The following LRRCC1 variants were observed in gnomAD, a reference collection of about 807,000 sequenced individuals.
LRRCC1 encodes leucine-rich repeat and coiled-coil domain-containing protein 1.
A neutral mutation model predicts 126.0 loss-of-function variants in LRRCC1; 115 were observed. The ratio of observed to expected loss-of-function variants is 0.91; its 90% CI spans 0.78 to 1.07. The LOEUF (loss-of-function observed/expected upper bound fraction) is 1.07, where lower values mean the gene tolerates loss of function less well. LRRCC1 is among the 50% of genes least tolerant of loss of function. LRRCC1 has a pLI of 0.00. For missense variants in LRRCC1, 1,172 were observed against 1,175.7 expected, an observed-to-expected ratio of 1.00 and a Z score of 0.05; for synonymous variants, 400 against 393.4, an observed-to-expected ratio of 1.02 and a Z score of -0.20.
intron 15 of LRRCC1, 118 bp downstream of exon 15, chr8:85,137,745 TATC>T (rs1563956729): frequency 5.8e-6 from 4 of 684,166 alleles, no homozygotes; most frequent in Non-Finnish European, 9.1e-6. Flanking sequence ...TTGGGGTAGA[TATC>T]ATGCATTTCT....
rs1808562951 is a variant in LRRCC1, at chr8:85,109,853, C to CCCAAAAGACCTAA, written c.310+53_310+54insCCAAAAGACCTAA. 6 of 916,092 alleles carry CCCAAAAGACCTAA rather than the reference C, an allele frequency of 6.5e-6. No individual in the cohort carries two copies. The South Asian group carries it at 1.2e-4, about 19-fold the overall frequency. 56.7% of individuals were successfully genotyped at this position (916,092 alleles called of 1,614,324 possible). On this transcript the variant is annotated intron_variant, in intron 2 of 18. Coordinates refer to ENST00000360375, the MANE Select transcript of LRRCC1 (RefSeq NM_033402.5). Reference sequence around the variant, plus strand: ...TAGCGTAAGGAAAATGATTTAGGTCCATTTTTTTCCCCAAAAGAATGGAAT... The same window carrying CCCAAAAGACCTAA: ...TAGCGTAAGGAAAATGATTTAGGTCCCCAAAAGACCTAAATTTTTTTCCCCAAAAGAATGGAAT...
Position 85,115,270 on chromosome 8 carries a change from G to A in LRRCC1, c.715G>A (p.Asp239Asn). The change falls in exon 5 of 19, where the codon GAT becomes AAT. Residue 239 changes from aspartate (D) to asparagine (N), a missense_variant. Asp to Asn is a conservative substitution (Grantham distance 23). Transcript: ENST00000360375. ...TGATTCTCCCCTAAATATAAGTGAA[G>A]ATGAGGTATAGTATTTACTTTTTTT... ...SSDSPLNISE[D>N]EIIDRMPVIT... 1 of 1,599,378 alleles carries A rather than the reference G, an allele frequency of 6.3e-7. No individual in the cohort carries two copies. The highest frequency in any genetic ancestry group is 8.5e-7 in the Non-Finnish European group (1 of 1,172,120).
rs750189904 is a variant in LRRCC1 at position 85,141,452 on chromosome 8, C to T, written c.2911C>T (p.His971Tyr). The change falls in exon 18 of 19, where the codon CAT (histidine) becomes TAT (tyrosine). Residue 971 changes from histidine (H) to tyrosine (Y), a missense_variant. Transcript: ENST00000360375. ...ACAAGTTGATGCAATTGTTGAAGCT[C>T]ATCAAGCTGAAATAGCACAGCTGGC... is the stretch of plus-strand genomic sequence containing the variant. Reference protein sequence around the residue: ...KRQVDAIVEAHQAEIAQLANE... With the variant: ...KRQVDAIVEAYQAEIAQLANE... The T allele has an allele frequency of 3.8e-5, 62 of 1,613,044 alleles. No homozygotes were observed. In the East Asian group the frequency reaches 1.3e-3, roughly 34 times the overall value.
chr8:85,125,428 C>T (rs1446754460), intron 8 of LRRCC1, among the ~76,000 whole-genome samples: 1 of 151,854 alleles, frequency 6.6e-6, no homozygotes, highest in Non-Finnish European at 1.5e-5. Context: ...AATCCCAGCA[C>T]TTTGGGAGGC....
chr8:85,118,841 G>A (rs1156350306), intron 6 of LRRCC1, among the ~76,000 whole-genome samples: 3 of 151,802 alleles, frequency 2.0e-5, no homozygotes, highest in African/African-American at 7.3e-5. Flanking sequence ...CTGGTCTTTT[G>A]ATAAGCAATA....
At chr8:85,111,775 A>C (rs1168228671) in intron 3 of LRRCC1, among the ~76,000 whole-genome samples, 1 of 152,182 alleles carries the variant, frequency 6.6e-6, no homozygotes, top group African/African-American at 2.4e-5. Flanking sequence ...TAGAATAGCT[A>C]AAATAGTGAC....
chr8:85,109,866 A>T, intron 2 of LRRCC1, 66 bp downstream of exon 2: 1 of 781,670 alleles, frequency 1.3e-6, no homozygotes, highest in Non-Finnish European at 2.0e-6. Flanking sequence ...TTTTTTCCCC[A>T]AAAGAATGGA....
At position 85,145,491 on chromosome 8, in the gene LRRCC1, G is replaced by A; in HGVS notation, c.3079G>A (p.Glu1027Lys). Residue 1027 changes from glutamate to lysine, a missense_variant, in exon 19 of 19, where the codon GAA (glutamate) becomes AAA (lysine). Physicochemically the swap from Glu to Lys is moderately conservative, Grantham distance 56. Coordinates refer to ENST00000360375, the MANE Select transcript of LRRCC1 (RefSeq NM_033402.5). ...KIKQLAFALN[E>K]IQQDM ...TAAGCAACTTGCTTTTGCTTTAAAT[G>A]AAATTCAGCAAGATATGTGATGGTT... The A allele has an allele frequency of 6.3e-7, 1 of 1,586,780 alleles. No individual in the cohort carries two copies. The highest frequency in any genetic ancestry group is 8.5e-7 in the Non-Finnish European group (1 of 1,171,394).
chr8:85,137,921 A>G (rs778312573), intron 15 of LRRCC1, 114 bp from the exon 16 acceptor site: 4 of 608,868 alleles, frequency 6.6e-6, no homozygotes, highest in Non-Finnish European at 1.1e-5. Flanking sequence ...AAGAAAATGA[A>G]CATTTTATAT....
intron 18 of LRRCC1, among the ~76,000 whole-genome samples, chr8:85,144,103 G>C (rs1587457575): frequency 1.3e-5 from 2 of 152,088 alleles, no homozygotes; most frequent in Admixed American, 1.3e-4. Flanking sequence ...GAGAATGTAG[G>C]TTAGGAATAA....
intron 6 of LRRCC1, 123 bp from the exon 7 acceptor site, chr8:85,123,290 T>G (rs1809709360): frequency 3.1e-6 from 2 of 650,306 alleles, no homozygotes; most frequent in Non-Finnish European, 2.5e-6. Context: ...GTCTTTAATA[T>G]CAAACATTTC....
intron 12 of LRRCC1, among the ~76,000 whole-genome samples, chr8:85,133,690 T>C (rs1242642329): frequency 6.6e-6 from 1 of 152,172 alleles, no homozygotes; most frequent in Non-Finnish European, 1.5e-5. Flanking sequence ...GTCACCCTTA[T>C]TTAAAAAATA....
chr8:85,123,091 C>T (rs10103501), intron 6 of LRRCC1, among the ~76,000 whole-genome samples: 2,873 of 152,230 alleles, frequency 0.019, 46 homozygotes, highest in South Asian at 0.086. Context: ...AAAACAGAAA[C>T]ACTCTCATTC....
intron 8 of LRRCC1, 126 bp from the exon 9 acceptor site, chr8:85,126,563 A>G (rs1373295147): frequency 1.3e-6 from 1 of 799,666 alleles, no homozygotes; most frequent in Non-Finnish European, 1.9e-6. Flanking sequence ...AAAAAATAAA[A>G]TAAAAAGTTT....
In LRRCC1 at chr8:85,137,501, T is replaced by C; in HGVS notation, c.2367T>C (p.Ala789=). The change falls in exon 15 of 19, where the codon GCT becomes GCC. Residue 789 remains alanine (A), a synonymous_variant. Transcript: ENST00000360375. ...CCCAAAATCGTGGAAAATTGGAGGCTCAAATTGAGAGTTTATCTAGAGAGA... is the reference window on the plus strand; with the variant it reads ...CCCAAAATCGTGGAAAATTGGAGGCCCAAATTGAGAGTTTATCTAGAGAGA... ...SLAQNRGKLE[A]QIESLSRENE... is the part of the protein sequence containing the mutation. 1 of 1,557,890 alleles carries C rather than the reference T, an allele frequency of 6.4e-7. No individual in the cohort carries two copies. The highest frequency in any genetic ancestry group is 8.6e-7 in the Non-Finnish European group (1 of 1,159,902).
Position 85,130,040 on chromosome 8 carries a change from TGAAAGAACA to T in LRRCC1, c.1750_1758del (p.Lys584_Gln586del). The T allele has an allele frequency of 6.3e-7, 1 of 1,592,466 alleles. No individual in the cohort carries two copies. The highest frequency in any genetic ancestry group is 8.5e-7 in the Non-Finnish European group (1 of 1,172,300). On this transcript the variant is annotated inframe_deletion, in exon 11 of 19. Coordinates refer to ENST00000360375, the MANE Select transcript of LRRCC1 (RefSeq NM_033402.5). ...CAACAACTTCATCAACTTCTTGCAT[TGAAAGAACA>T]GGAACACAGGTAAATGAAAAATGTA...
chr8:85,119,231 A>G (rs1004785620), intron 6 of LRRCC1, among the ~76,000 whole-genome samples: 1 of 152,018 alleles, frequency 6.6e-6, no homozygotes, highest in Non-Finnish European at 1.5e-5. Flanking sequence ...TTATCAGCAT[A>G]AAATTGTTAA....
At chr8:85,109,227 A>G (rs1164876056) in intron 1 of LRRCC1, 1 of 189,922 alleles carries the variant, frequency 5.3e-6, no homozygotes, top group Admixed American at 5.9e-5. Context: ...TGCTCAAATC[A>G]CACAGCAAAA....
chr8:85,131,725 A>G (rs1810480350), intron 11 of LRRCC1, 35 bp from the exon 12 acceptor site: 2 of 1,518,664 alleles, frequency 1.3e-6, no homozygotes, highest in Non-Finnish European at 1.8e-6. Flanking sequence ...TCAGGTGAGT[A>G]TCATCCTTTT....
Sources: allele counts gnomAD v4.1 joint callset (sites outside exome capture counted in the v4.1 genomes callset), GRCh38; gene constraint gnomAD v4.1.1; transcripts MANE v1.5; gene names NCBI Gene and HGNC (gene_info 2026-07-23, HGNC 2026-07-21).